The following DPF3 variants were observed in gnomAD, a reference collection of about 807,000 sequenced individuals.
DPF3 encodes the protein zinc finger protein DPF3.
Under a neutral mutation model 56.8 loss-of-function variants are expected in DPF3, and 18 were observed. The observed-to-expected ratio is 0.32, with a 90% CI of 0.22 to 0.47. The LOEUF (loss-of-function observed/expected upper bound fraction) is 0.47, where lower values mean the gene tolerates loss of function less well. Ranked by LOEUF, DPF3 falls within the 20% of genes least tolerant of loss-of-function variation. DPF3 has a pLI of 1.00. For synonymous variants in DPF3, 188 were observed against 180.2 expected, an observed-to-expected ratio of 1.04 and a Z score of -0.35; for missense variants, 403 against 488.8, an observed-to-expected ratio of 0.82 and a Z score of 1.65.
At chr14:72,872,310 C>A (rs184504038) in intron 1 of DPF3, among the ~76,000 whole-genome samples, 1 of 152,320 alleles carries the variant, frequency 6.6e-6, no homozygotes, top group Non-Finnish European at 1.5e-5. Flanking sequence ...GAGACATTTT[C>A]CCCAGGGTCT....
chr14:72,849,549 G>A (rs541408004), intron 1 of DPF3, among the ~76,000 whole-genome samples: 4 of 152,258 alleles, frequency 2.6e-5, no homozygotes, highest in East Asian at 1.9e-4. Flanking sequence ...AGCTAAAGCC[G>A]GCAAGGTCCA....
At chr14:72,820,379 AC>A (rs1453992040) in intron 1 of DPF3, among the ~76,000 whole-genome samples, 2 of 152,192 alleles carry the variant, frequency 1.3e-5, no homozygotes, top group African/African-American at 4.8e-5. Flanking sequence ...GCAATGAAAT[AC>A]TGTATTTCAC....
intron 3 of DPF3, among the ~76,000 whole-genome samples, chr14:72,745,829 A>G (rs1890301863): frequency 6.6e-6 from 1 of 152,168 alleles, no homozygotes; most frequent in African/African-American, 2.4e-5. Context: ...CCCAAATCAA[A>G]TGGAATAAAA....
chr14:72,656,291 G>C (rs978065061), intron 8 of DPF3, among the ~76,000 whole-genome samples: 3 of 152,166 alleles, frequency 2.0e-5, no homozygotes, highest in Admixed American at 1.3e-4. Flanking sequence ...TTGCTTCCCA[G>C]ACCTTCCACA....
chr14:72,808,068 G>C (rs546992069), intron 1 of DPF3, among the ~76,000 whole-genome samples: 1 of 152,270 alleles, frequency 6.6e-6, no homozygotes, highest in East Asian at 1.9e-4. Context: ...GAAAAGATAA[G>C]CTCAGAGATG....
At chr14:72,696,760 C>T (rs1193992091) in intron 6 of DPF3, among the ~76,000 whole-genome samples, 1 of 152,252 alleles carries the variant, frequency 6.6e-6, no homozygotes, top group Non-Finnish European at 1.5e-5. Flanking sequence ...AACAGAGATT[C>T]TCAAACAGTG....
intron 7 of DPF3, among the ~76,000 whole-genome samples, chr14:72,681,592 G>A (rs1887168176): frequency 6.6e-6 from 1 of 152,148 alleles, no homozygotes; most frequent in African/African-American, 2.4e-5. Context: ...TCCTATGCCT[G>A]CCTTCTTTTC....
At chr14:72,813,670 C>A (rs11623107) in intron 1 of DPF3, among the ~76,000 whole-genome samples, 1 of 152,252 alleles carries the variant, frequency 6.6e-6, no homozygotes, top group South Asian at 2.1e-4. Context: ...TGGACTGCAA[C>A]TAGGCTCCCC....
intron 1 of DPF3, among the ~76,000 whole-genome samples, chr14:72,827,126 G>GA (rs397699682): frequency 2.4e-3 from 1 of 420 alleles, no homozygotes; most frequent in African/African-American, 6.0e-3. Context: ...TATAAGTCCA[G>GA]CTTCTTTTTC....
chr14:72,649,305 G>A (rs558162036), intron 8 of DPF3, among the ~76,000 whole-genome samples: 1 of 152,208 alleles, frequency 6.6e-6, no homozygotes, highest in South Asian at 2.1e-4. Flanking sequence ...TCAGCTGGGG[G>A]GCTGTGGAGT....
chr14:72,762,522 T>C (rs1330467027), intron 2 of DPF3, among the ~76,000 whole-genome samples: 2 of 151,090 alleles, frequency 1.3e-5, no homozygotes, highest in Non-Finnish European at 3.0e-5. Flanking sequence ...GAAAATCAGA[T>C]GACAAAATCA....
intron 2 of DPF3, among the ~76,000 whole-genome samples, chr14:72,762,159 A>C (rs1324138797): frequency 2.6e-5 from 4 of 151,924 alleles, no homozygotes; most frequent in Non-Finnish European, 5.9e-5. Flanking sequence ...GTTTCAGAAA[A>C]GTAAAAATGA....
intron 8 of DPF3, among the ~76,000 whole-genome samples, chr14:72,655,930 G>A (rs1886049699): frequency 6.6e-6 from 1 of 152,150 alleles, no homozygotes; most frequent in African/African-American, 2.4e-5. Flanking sequence ...GAAATGCTTG[G>A]CTATCAGTGA....
intron 8 of DPF3, among the ~76,000 whole-genome samples, chr14:72,656,354 C>T (rs1318181272): frequency 6.6e-6 from 1 of 152,160 alleles, no homozygotes; most frequent in Non-Finnish European, 1.5e-5. Flanking sequence ...AAATAAACAA[C>T]ACAATACTCC....
chr14:72,720,023 A>G (rs1417379653), intron 5 of DPF3, among the ~76,000 whole-genome samples: 1 of 151,788 alleles, frequency 6.6e-6, no homozygotes, highest in African/African-American at 2.4e-5. Context: ...ATTCTCATTA[A>G]TCTAGTGTGG....
chr14:72,820,192 A>G lies in DPF3; in HGVS notation c.33-48299T>C, dbSNP rs187385028. Among the ~76,000 whole-genome samples, 4 of 152,332 alleles carry G rather than the reference A, an allele frequency of 2.6e-5. No homozygotes were observed. The East Asian group carries it at 7.7e-4, about 29-fold the overall frequency. ...TTTTAAAAGAACTTTTTAAAAGTCA[A>G]GATGCAAACTGGGGAAAATATTTGC... On this transcript the variant is annotated intron_variant, in intron 1 of 10. Transcript: ENST00000556509.
rs543465787 is a variant in DPF3 at position 72,682,309 on chromosome 14, A to C, written c.743-7941T>G. Among the ~76,000 whole-genome samples the C allele has an allele frequency of 1.2e-4, 18 of 151,590 alleles. No homozygotes were observed. In the South Asian group the frequency reaches 3.8e-3, roughly 32 times the overall value. The stretch of plus-strand genomic sequence containing the variant: ...TACGTGACACGTAATGAGATATTTC[A>C]GTTTTCCAGTGTTTGGTGATATGGG... On this transcript the variant is annotated intron_variant, in intron 7 of 10. Transcript: ENST00000556509.
chr14:72,871,202 T>C (rs542734291), intron 1 of DPF3, among the ~76,000 whole-genome samples: 4 of 152,278 alleles, frequency 2.6e-5, no homozygotes, highest in East Asian at 3.9e-4. Flanking sequence ...TTCTGGGAGA[T>C]ACAATTCAAG....
intron 1 of DPF3, among the ~76,000 whole-genome samples, chr14:72,878,132 T>G (rs1886187077): frequency 6.6e-6 from 1 of 152,244 alleles, no homozygotes; most frequent in Non-Finnish European, 1.5e-5. Context: ...GGATCTGAAC[T>G]GAAACTTGAC....
Sources: allele counts gnomAD v4.1 joint callset (sites outside exome capture counted in the v4.1 genomes callset), GRCh38; gene constraint gnomAD v4.1.1; transcripts MANE v1.5; gene names NCBI Gene and HGNC (gene_info 2026-07-23, HGNC 2026-07-21).